The following DTX1 variants were observed in gnomAD, a reference collection of about 807,000 sequenced individuals.
The protein encoded by DTX1 is deltex E3 ubiquitin ligase 1.
DTX1 carries 26 observed loss-of-function variants against 57.8 expected under a neutral mutation model. That is an observed-to-expected ratio of 0.45 (90% confidence interval 0.33 to 0.62). DTX1 has a LOEUF of 0.62. DTX1 is among the 20% of genes least tolerant of loss of function. The pLI is 0.02. For missense variants in DTX1, 704 were observed against 895.3 expected (o/e 0.79, Z 2.73); for synonymous variants, 398 against 394.1 (o/e 1.01, Z -0.12).
chr12:113,075,963 G>GT (rs2044768505), intron 2 of DTX1, among the ~76,000 whole-genome samples: 1 of 151,934 alleles, frequency 6.6e-6, no homozygotes, highest in African/African-American at 2.4e-5. Flanking sequence ...ATTCTAGCGA[G>GT]GGGGGGACAG....
chr12:113,093,386 A>G lies in DTX1; in HGVS notation c.1004-153A>G, dbSNP rs1950261031. Reference sequence around the variant, plus strand: ...CACAGGGCGGGCGTGGCCCGCAGAAAGGCCCTTCAGGGGCCTTCAAGGGGC... The same window carrying G: ...CACAGGGCGGGCGTGGCCCGCAGAAGGGCCCTTCAGGGGCCTTCAAGGGGC... On this transcript the variant is annotated intron_variant, in intron 4 of 9. Coordinates refer to ENST00000548759, the MANE Select transcript of DTX1 (RefSeq NM_004416.3). The surrounding 1 kb of genome is among the most constrained non-coding windows in gnomAD (Gnocchi z 4.2). 3 of 1,333,096 alleles carry G rather than the reference A, an allele frequency of 2.3e-6. No homozygotes were observed. The highest frequency in any genetic ancestry group is 1.5e-5 in the South Asian group (1 of 65,272). 82.6% of individuals were successfully genotyped at this position (1,333,096 alleles called of 1,614,324 possible).
intron 3 of DTX1, among the ~76,000 whole-genome samples, chr12:113,086,139 G>A (rs965437493): frequency 2.6e-5 from 4 of 151,728 alleles, no homozygotes; most frequent in Admixed American, 1.3e-4. Flanking sequence ...GCGGTGGTGC[G>A]TGCCTGTAGT....
Position 113,096,994 on chromosome 12 carries a change from CCTT to C in DTX1, c.*57_*59del. ...TTTGCCCCTGGTCCGGCAAATGCCT[CCTT>C]CGCCAGGTGTGTCCTGGTAGCCCAG... On this transcript the variant is annotated 3_prime_UTR_variant, in exon 10 of 10. Coordinates refer to ENST00000548759, the MANE Select transcript of DTX1 (RefSeq NM_004416.3). 6.5e-7 allele frequency: 1 copy of C among 1,528,482 alleles called. No individual in the cohort carries two copies. Among genetic ancestry groups the C allele is most frequent in the Non-Finnish European group, 8.8e-7 (1 of 1,137,690 alleles). The allele number at this position is 1,528,482 out of a possible 1,614,324, so 94.7% of individuals were successfully genotyped here.
chr12:113,090,092 TC>T (rs1187979632), intron 3 of DTX1: 1 of 152,150 alleles, frequency 6.6e-6, no homozygotes, highest in Non-Finnish European at 1.5e-5. Context: ...GTATGCATGC[TC>T]AATATTTTTC....
chr12:113,058,603 T>A, intron 2 of DTX1, 152 bp downstream of exon 2: 1 of 1,362,374 alleles, frequency 7.3e-7, no homozygotes, highest in South Asian at 1.5e-5. Flanking sequence ...TCTAACCTTG[T>A]CCAGTTTAAG....
At chr12:113,078,230 C>A in intron 3 of DTX1, 125 bp downstream of exon 3, 1 of 787,848 alleles carries the variant, frequency 1.3e-6, no homozygotes, top group East Asian at 5.4e-5. Flanking sequence ...AAGTAATATC[C>A]AGCATGCACT....
intron 2 of DTX1, among the ~76,000 whole-genome samples, chr12:113,059,666 C>T (rs2044653149): frequency 6.6e-6 from 1 of 152,048 alleles, no homozygotes; most frequent in Admixed American, 6.5e-5. Context: ...GTTTGACCCC[C>T]CAAGGACCAG....
intron 2 of DTX1, among the ~76,000 whole-genome samples, chr12:113,075,129 C>G (rs951536209): frequency 4.6e-5 from 7 of 152,260 alleles, no homozygotes; most frequent in African/African-American, 1.4e-4. Context: ...ACTGTTGCTA[C>G]AGCTGGCAAA....
rs1338101735 is a variant in DTX1, at chr12:113,057,522, C to T, written c.-671C>T. 3 of 152,026 alleles carry T rather than the reference C, an allele frequency of 2.0e-5. No homozygotes were observed. Among genetic ancestry groups the T allele is most frequent in the East Asian group, 3.9e-4 (2 of 5,120 alleles). The allele number at this position is 152,026 out of a possible 1,614,324, so 9.4% of individuals were successfully genotyped here. A position where few individuals can be genotyped will look rare whatever the true frequency, so the allele number is the denominator to read the frequency against. ...TCGTCCCCCTCGTCCCCCAGCCCAGCTCCGGAGCCGCAGTCCAGGCGCGCC... is the reference window on the plus strand; with the variant it reads ...TCGTCCCCCTCGTCCCCCAGCCCAGTTCCGGAGCCGCAGTCCAGGCGCGCC... On this transcript the variant is annotated 5_prime_UTR_variant, in exon 2 of 10. Coordinates refer to ENST00000548759, the MANE Select transcript of DTX1 (RefSeq NM_004416.3).
rs1331619818 is a variant in DTX1 at position 113,097,697 on chromosome 12, C to G, written c.*758C>G. On this transcript the variant is annotated 3_prime_UTR_variant, in exon 10 of 10. Transcript: ENST00000548759. ...GTTCTCCCATCCTCCCTACCCCATCCTCTCCACCAAATCGCTCCCAATTTT... is the reference window on the plus strand; with the variant it reads ...GTTCTCCCATCCTCCCTACCCCATCGTCTCCACCAAATCGCTCCCAATTTT... The G allele has an allele frequency of 6.6e-6, 1 of 152,390 alleles. No homozygotes were observed. The highest frequency in any genetic ancestry group is 6.5e-5 in the Admixed American group (1 of 15,290). 9.4% of individuals were successfully genotyped at this position (152,390 alleles called of 1,614,324 possible).
intron 9 of DTX1, 43 bp from the exon 10 acceptor site, chr12:113,096,672 C>A (rs948260451): frequency 1.9e-6 from 3 of 1,556,700 alleles, no homozygotes; most frequent in Admixed American, 1.8e-5. Flanking sequence ...CTGGAAGCTG[C>A]CTGTGACCTC....
chr12:113,084,490 A>G (rs753713602), intron 3 of DTX1, among the ~76,000 whole-genome samples: 1 of 152,128 alleles, frequency 6.6e-6, no homozygotes, highest in South Asian at 2.1e-4. Context: ...GGCTCAAGCA[A>G]TCCTCCTGCC....
chr12:113,057,885 C>G lies in DTX1; in HGVS notation c.-308C>G. On this transcript the variant is annotated 5_prime_UTR_variant, in exon 2 of 10. Coordinates refer to ENST00000548759, the MANE Select transcript of DTX1 (RefSeq NM_004416.3). ...ACAGGGGCGGCTGCCTCACTCCCTACCTGAGCCAGCCGAGGGGGCCAAGGA... is the reference window on the plus strand; with the variant it reads ...ACAGGGGCGGCTGCCTCACTCCCTAGCTGAGCCAGCCGAGGGGGCCAAGGA... 2.6e-6 allele frequency: 1 copy of G among 382,406 alleles called. No homozygotes were observed. The highest frequency in any genetic ancestry group is 2.0e-5 in the African/African-American group (1 of 49,212). The allele number at this position is 382,406 out of a possible 1,614,324, so 23.7% of individuals were successfully genotyped here. A position where few individuals can be genotyped will look rare whatever the true frequency, so the allele number is the denominator to read the frequency against.
chr12:113,071,913 A>G (rs1160695115), intron 2 of DTX1, among the ~76,000 whole-genome samples: 4 of 152,216 alleles, frequency 2.6e-5, no homozygotes, highest in Non-Finnish European at 5.9e-5. Context: ...TTTAATAACT[A>G]CCAGTAAACA....
chr12:113,095,400 G>A lies in DTX1; in HGVS notation c.1624G>A (p.Glu542Lys), dbSNP rs748534327. 9 of 1,614,088 alleles carry A rather than the reference G, an allele frequency of 5.6e-6. No homozygotes were observed. Among genetic ancestry groups the A allele is most frequent in the South Asian group, 2.2e-5 (2 of 91,082 alleles). The change falls in exon 9 of 10, where the codon GAG becomes AAG. Residue 542 changes from glutamate to lysine, a missense_variant. Glu to Lys is a moderately conservative substitution (Grantham distance 56, BLOSUM62 1). Transcript: ENST00000548759. ...FPRHCYLPNN[E>K]KGRKVLRLLI... ...TCGCCACTGCTATCTACCCAACAAC[G>A]AGAAAGGCCGGAAGGTGGGTGCCCA...
chr12:113,077,159 A>G lies in DTX1; in HGVS notation c.260-265A>G, dbSNP rs889911496. 6.6e-5 allele frequency among the ~76,000 whole-genome samples: 10 copies of G among 151,752 alleles called. No individual in the cohort carries two copies. The highest frequency in any genetic ancestry group is 2.4e-4 in the African/African-American group (10 of 41,220). ...CCTGCCCACCTCTCGCCCCAGTGCT[A>G]TGCGCTGAACCTTTAGCCCCGGCCC... On this transcript the variant is annotated intron_variant, in intron 2 of 9. Coordinates refer to ENST00000548759, the MANE Select transcript of DTX1 (RefSeq NM_004416.3). The surrounding 1 kb of genome is among the most constrained non-coding windows in gnomAD (Gnocchi z 7.8).
In DTX1 at chr12:113,087,983, G is replaced by C. The variant is rs534421094; in HGVS notation, c.942-5179G>C. Among the ~76,000 whole-genome samples the C allele has an allele frequency of 5.3e-5, 8 of 152,330 alleles. No homozygotes were observed. In the East Asian group the frequency reaches 1.3e-3, roughly 26 times the overall value. On this transcript the variant is annotated intron_variant, in intron 3 of 9. Coordinates refer to ENST00000548759, the MANE Select transcript of DTX1 (RefSeq NM_004416.3). ...CAGTTAGACAGCCCTGATCTACCCTGCCCAGGCCTGAGCCAGCTCCAGGAT... is the reference window on the plus strand; with the variant it reads ...CAGTTAGACAGCCCTGATCTACCCTCCCCAGGCCTGAGCCAGCTCCAGGAT...
chr12:113,065,376 C>G (rs1362229274), intron 2 of DTX1, among the ~76,000 whole-genome samples: 1 of 152,298 alleles, frequency 6.6e-6, no homozygotes, highest in East Asian at 1.9e-4. Flanking sequence ...TGGGTGCGCA[C>G]GGCCCTTCCC....
chr12:113,068,127 G>A (rs2044716338), intron 2 of DTX1, among the ~76,000 whole-genome samples: 1 of 152,262 alleles, frequency 6.6e-6, no homozygotes. Flanking sequence ...CGCCCAGCTT[G>A]CAGTCTCCAG....
Sources: allele counts gnomAD v4.1 joint callset (sites outside exome capture counted in the v4.1 genomes callset), GRCh38; gene constraint gnomAD v4.1.1; non-coding constraint Gnocchi (gnomAD v3.1); transcripts MANE v1.5; gene names NCBI Gene and HGNC (gene_info 2026-07-23, HGNC 2026-07-21).